IGF2BP3: variants seen among roughly 807,000 people sequenced by gnomAD.
The protein encoded by IGF2BP3 is insulin-like growth factor 2 mRNA-binding protein 3.
A neutral mutation model predicts 73.8 loss-of-function variants in IGF2BP3; 9 were observed. The ratio of observed to expected loss-of-function variants is 0.12; its 90% CI spans 0.07 to 0.21. The LOEUF is 0.21. IGF2BP3 is among the 10% of genes least tolerant of loss of function. The pLI is 1.00. For synonymous variants in IGF2BP3, 258 were observed against 256.7 expected, an observed-to-expected ratio of 1.01 and a Z score of -0.05; for missense variants, 542 against 714.0, an observed-to-expected ratio of 0.76 and a Z score of 2.75.
intron 10 of IGF2BP3, among the ~76,000 whole-genome samples, chr7:23,330,213 G>A (rs921196180): frequency 2.4e-4 from 36 of 151,900 alleles, no homozygotes; most frequent in African/African-American, 8.0e-4. Flanking sequence ...TTGAACCTGG[G>A]AGGCGGAGGC....
chr7:23,347,634 C>T lies in IGF2BP3; in HGVS notation c.784G>A (p.Glu262Lys). ...GTSAACKSIL[E>K]IMHKEAQDIK... ...TCTTGAGCTTCCTTATGCATAATCT[C>T]CAGAATAGACTTACAAGCCGCAGAG... is the stretch of plus-strand genomic sequence containing the variant. The change falls in exon 7 of 15, where the codon GAG (glutamate) becomes AAG (lysine). Residue 262 changes from glutamate to lysine, a missense_variant. By Grantham distance (56) the Glu-to-Lys change is moderately conservative (BLOSUM62 1). Coordinates refer to ENST00000258729, the MANE Select transcript of IGF2BP3 (RefSeq NM_006547.3). 6.2e-7 allele frequency: 1 copy of T among 1,613,976 alleles called. No homozygotes were observed. The highest frequency in any genetic ancestry group is 8.5e-7 in the Non-Finnish European group (1 of 1,179,996).
intron 12 of IGF2BP3, among the ~76,000 whole-genome samples, chr7:23,316,404 G>A (rs1483361319): frequency 6.6e-6 from 1 of 152,112 alleles, no homozygotes; most frequent in Non-Finnish European, 1.5e-5. Flanking sequence ...GCTTGGCCAG[G>A]AGCACAGTGG....
At chr7:23,411,119 T>C (rs1787004965) in intron 3 of IGF2BP3, among the ~76,000 whole-genome samples, 1 of 152,240 alleles carries the variant, frequency 6.6e-6, no homozygotes, top group Non-Finnish European at 1.5e-5. Flanking sequence ...AGCTGTCTGC[T>C]ATAAAGGCAA....
chr7:23,419,892 G>T (rs34543392), intron 2 of IGF2BP3, among the ~76,000 whole-genome samples: 24,180 of 152,090 alleles, frequency 0.16, 1,957 homozygotes, highest in African/African-American at 0.18. Flanking sequence ...CATAAGAAGA[G>T]ATCCATAGGT....
chr7:23,452,054 G>T (rs1174122373), intron 2 of IGF2BP3, among the ~76,000 whole-genome samples: 6 of 150,548 alleles, frequency 4.0e-5, no homozygotes, highest in African/African-American at 1.5e-4. Flanking sequence ...ACCAAGGCTG[G>T]AGCACAGTGG....
intron 3 of IGF2BP3, among the ~76,000 whole-genome samples, chr7:23,393,386 G>A (rs1013199513): frequency 3.3e-5 from 5 of 152,118 alleles, no homozygotes; most frequent in African/African-American, 1.2e-4. Context: ...TAAGGAATAC[G>A]GGCATGTGAT....
In IGF2BP3 at chr7:23,359,200, T is replaced by C. The variant is rs145077922; in HGVS notation, c.401+2334A>G. Among the ~76,000 whole-genome samples, 717 of 152,356 alleles carry C rather than the reference T, an allele frequency of 4.7e-3. 4 individuals carry two copies. The highest frequency in any genetic ancestry group is 0.017 in the African/African-American group (688 of 41,588). ...TTTGCTGTCGTGGTTAGGATTCTTT[T>C]CAGCAATAATTCTGCCTTGACTAGC... is the stretch of plus-strand genomic sequence containing the variant. On this transcript the variant is annotated intron_variant, in intron 5 of 14. Coordinates refer to ENST00000258729, the MANE Select transcript of IGF2BP3 (RefSeq NM_006547.3).
At chr7:23,429,658 G>A (rs905467890) in intron 2 of IGF2BP3, among the ~76,000 whole-genome samples, 8 of 152,006 alleles carry the variant, frequency 5.3e-5, no homozygotes, top group African/African-American at 1.2e-4. Context: ...TACATATGGC[G>A]ACTCAATATT....
chr7:23,447,765 G>T (rs1007507825), intron 2 of IGF2BP3, among the ~76,000 whole-genome samples: 1 of 152,052 alleles, frequency 6.6e-6, no homozygotes, highest in Non-Finnish European at 1.5e-5. Flanking sequence ...ATCTACCTGA[G>T]CTCAGGAGTT....
At chr7:23,362,022 C>T (rs927893273) in intron 3 of IGF2BP3, among the ~76,000 whole-genome samples, 1 of 152,198 alleles carries the variant, frequency 6.6e-6, no homozygotes, top group South Asian at 2.1e-4. Flanking sequence ...GTTCCTGAGG[C>T]TGAAGGAGAA....
chr7:23,350,101 G>A (rs1784923362), intron 6 of IGF2BP3, among the ~76,000 whole-genome samples: 1 of 152,172 alleles, frequency 6.6e-6, no homozygotes, highest in African/African-American at 2.4e-5. Context: ...GGTGGGTATG[G>A]ACCACCACTC....
intron 9 of IGF2BP3, among the ~76,000 whole-genome samples, chr7:23,342,499 G>T (rs1274987858): frequency 6.6e-6 from 1 of 152,164 alleles, no homozygotes; most frequent in Non-Finnish European, 1.5e-5. Flanking sequence ...TCTGCATGCT[G>T]TGGGCAAACT....
chr7:23,412,389 T>C (rs570642697), intron 3 of IGF2BP3, among the ~76,000 whole-genome samples: 3 of 152,334 alleles, frequency 2.0e-5, no homozygotes, highest in Admixed American at 6.5e-5. Flanking sequence ...AAATCAAATA[T>C]GCAAGTGTTG....
chr7:23,468,610 A>T (rs938924453), intron 1 of IGF2BP3, 68 bp from the exon 2 acceptor site: 1 of 1,526,998 alleles, frequency 6.5e-7, no homozygotes, highest in Non-Finnish European at 9.1e-7. Context: ...AGACCCGCAC[A>T]GCCCAAGCGG....
At chr7:23,335,305 C>G (rs1214090129) in intron 10 of IGF2BP3, among the ~76,000 whole-genome samples, 1 of 149,158 alleles carries the variant, frequency 6.7e-6, no homozygotes, top group African/African-American at 2.5e-5. Context: ...TTTTTTTGGA[C>G]AAGGTCTCAC....
intron 3 of IGF2BP3, among the ~76,000 whole-genome samples, chr7:23,381,687 G>T (rs966074824): frequency 6.6e-6 from 1 of 151,910 alleles, no homozygotes; most frequent in Non-Finnish European, 1.5e-5. Flanking sequence ...TCCTGCCTCG[G>T]TCTCCTGAGT....
chr7:23,317,870 A>G (rs745983872), intron 11 of IGF2BP3, 157 bp from the exon 12 acceptor site: 2 of 651,546 alleles, frequency 3.1e-6, no homozygotes, highest in Non-Finnish European at 5.6e-6. Flanking sequence ...GTGGGTTCAC[A>G]ATTTAGGCCT....
At chr7:23,323,905 G>A (rs1784224507) in intron 10 of IGF2BP3, among the ~76,000 whole-genome samples, 2 of 151,414 alleles carry the variant, frequency 1.3e-5, no homozygotes, top group South Asian at 4.2e-4. Flanking sequence ...AGAATCTCTG[G>A]GATGCATTCA....
chr7:23,432,162 C>A (rs1204430113), intron 2 of IGF2BP3, among the ~76,000 whole-genome samples: 1 of 152,150 alleles, frequency 6.6e-6, no homozygotes, highest in African/African-American at 2.4e-5. Flanking sequence ...CACGTTATCT[C>A]CATCTATGTA....
Sources: allele counts gnomAD v4.1 joint callset (sites outside exome capture counted in the v4.1 genomes callset), GRCh38; gene constraint gnomAD v4.1.1; transcripts MANE v1.5; gene names NCBI Gene and HGNC (gene_info 2026-07-23, HGNC 2026-07-21).